Variants in DCC observed in about 807,000 individuals in gnomAD.
DCC encodes the protein netrin receptor DCC.
Under a neutral mutation model 172.5 loss-of-function variants are expected in DCC, and 58 were observed. That is an observed-to-expected ratio of 0.34 (90% confidence interval 0.27 to 0.42). DCC has a LOEUF of 0.42. Ranked by LOEUF, DCC falls within the 10% of genes least tolerant of loss-of-function variation. DCC has a pLI of 1.00. For missense variants in DCC, 1,740 were observed against 1,791.0 expected, an observed-to-expected ratio of 0.97 and a Z score of 0.51; for synonymous variants, 709 against 644.5, an observed-to-expected ratio of 1.10 and a Z score of -1.52.
At chr18:53,353,184 G>T (rs1465596107) in intron 15 of DCC, among the ~76,000 whole-genome samples, 1 of 151,484 alleles carries the variant, frequency 6.6e-6, no homozygotes. Context: ...GGCTGAGGCA[G>T]GAATCACTTG....
At chr18:53,152,561 A>G (rs1411435919) in intron 7 of DCC, among the ~76,000 whole-genome samples, 2 of 130,736 alleles carry the variant, frequency 1.5e-5, no homozygotes, top group Non-Finnish European at 3.2e-5. Context: ...TTATTAAAAA[A>G]TTTTTAAAGA....
intron 2 of DCC, among the ~76,000 whole-genome samples, chr18:52,886,064 A>T (rs115074890): frequency 0.017 from 2,598 of 151,312 alleles, 56 homozygotes; most frequent in African/African-American, 0.046. Flanking sequence ...CTCTCTCCTC[A>T]CCTCAAGCAG....
rs534638049 is a variant in DCC, at chr18:53,333,366, G to A, written c.2165-6347G>A. Among the ~76,000 whole-genome samples the A allele has an allele frequency of 1.1e-4, 16 of 152,316 alleles. No individual in the cohort carries two copies. In the South Asian group the frequency reaches 3.3e-3, roughly 32 times the overall value. On this transcript the variant is annotated intron_variant, in intron 14 of 28. Transcript: ENST00000442544. ...AAGAAATATAGGCTATTGAGGACTA[G>A]AACAAAACTCTAACAAAATGATCCA...
intron 12 of DCC, among the ~76,000 whole-genome samples, chr18:53,226,948 A>ATATATATATATTTT: frequency 3.8e-5 from 2 of 52,954 alleles, no homozygotes; most frequent in African/African-American, 1.9e-4. Flanking sequence ...ATATATATAT[A>ATATATATATATTTT]TTTTTTTTTT....
At chr18:53,335,482 A>T in intron 14 of DCC, among the ~76,000 whole-genome samples, 1 of 152,196 alleles carries the variant, frequency 6.6e-6, no homozygotes, top group East Asian at 1.9e-4. Context: ...TGAACATTAC[A>T]CATTAGTGGA....
intron 1 of DCC, among the ~76,000 whole-genome samples, chr18:52,667,242 G>A (rs1472385290): frequency 6.6e-6 from 1 of 152,174 alleles, no homozygotes; most frequent in African/African-American, 2.4e-5. Flanking sequence ...GTGGAATTAG[G>A]AGTTGGTTTG....
chr18:52,438,883 C>T (rs1987881332), intron 1 of DCC, among the ~76,000 whole-genome samples: 2 of 152,200 alleles, frequency 1.3e-5, no homozygotes, highest in South Asian at 2.1e-4. Flanking sequence ...CGTGACTGAA[C>T]AGCAGAGAAT....
chr18:53,085,658 T>G (rs2144149243), intron 7 of DCC, among the ~76,000 whole-genome samples: 1 of 151,926 alleles, frequency 6.6e-6, no homozygotes, highest in Non-Finnish European at 1.5e-5. Flanking sequence ...TTCTGTTTAC[T>G]TGTGCACATT....
intron 1 of DCC, among the ~76,000 whole-genome samples, chr18:52,719,154 C>T (rs1200010603): frequency 1.3e-5 from 2 of 152,192 alleles, no homozygotes; most frequent in African/African-American, 2.4e-5. Context: ...CTTCCTCCTA[C>T]AGGTACACTA....
At chr18:53,106,308 C>G (rs946218823) in intron 7 of DCC, among the ~76,000 whole-genome samples, 5 of 151,972 alleles carry the variant, frequency 3.3e-5, no homozygotes, top group Non-Finnish European at 5.9e-5. Context: ...TCCCAGCTTT[C>G]TGCCATGTGC....
intron 2 of DCC, among the ~76,000 whole-genome samples, chr18:52,825,312 T>C (rs2038490531): frequency 1.3e-5 from 2 of 152,152 alleles, no homozygotes; most frequent in South Asian, 4.1e-4. Flanking sequence ...AAGGTACTTA[T>C]AAAGATTACA....
At chr18:52,534,821 A>G (rs1479347245) in intron 1 of DCC, among the ~76,000 whole-genome samples, 1 of 152,210 alleles carries the variant, frequency 6.6e-6, no homozygotes, top group African/African-American at 2.4e-5. Context: ...ATTTCTACTT[A>G]GCTTGTCAAA....
intron 8 of DCC, among the ~76,000 whole-genome samples, chr18:53,175,732 C>T (rs1231774876): frequency 2.0e-5 from 3 of 152,008 alleles, no homozygotes; most frequent in South Asian, 2.1e-4. Flanking sequence ...GAATCAATAT[C>T]GTGAAAATGG....
At chr18:53,252,777 G>A (rs1264115815) in intron 12 of DCC, among the ~76,000 whole-genome samples, 4 of 151,908 alleles carry the variant, frequency 2.6e-5, no homozygotes, top group Admixed American at 6.6e-5. Context: ...AAACAGAACA[G>A]ACTAAAGCCC....
At chr18:53,240,155 T>TATA in intron 12 of DCC, among the ~76,000 whole-genome samples, 1 of 152,118 alleles carries the variant, frequency 6.6e-6, no homozygotes, top group East Asian at 1.9e-4. Flanking sequence ...CTATGAAAGT[T>TATA]ATAATTACTT....
At chr18:52,621,188 G>A (rs1010443214) in intron 1 of DCC, among the ~76,000 whole-genome samples, 5 of 152,170 alleles carry the variant, frequency 3.3e-5, no homozygotes, top group African/African-American at 1.2e-4. Context: ...ATGTTTAGAC[G>A]CTGCTGGGGT....
At chr18:53,180,238 A>G (rs1257221893) in intron 9 of DCC, among the ~76,000 whole-genome samples, 1 of 152,202 alleles carries the variant, frequency 6.6e-6, no homozygotes, top group African/African-American at 2.4e-5. Context: ...AGGGCTACAG[A>G]GACAAGATGA....
intron 2 of DCC, among the ~76,000 whole-genome samples, chr18:52,875,224 C>T (rs559082183): frequency 3.5e-5 from 4 of 114,096 alleles, no homozygotes; most frequent in South Asian, 2.6e-4. Context: ...CACACAACAG[C>T]GAAACTTTTT....
intron 1 of DCC, among the ~76,000 whole-genome samples, chr18:52,587,486 T>C (rs1811738745): frequency 1.3e-5 from 2 of 152,224 alleles, no homozygotes; most frequent in African/African-American, 4.8e-5. Context: ...TTTTGACCAC[T>C]CAGAGAAGTC....
Sources: gnomAD v4.1 joint callset for allele counts (sites outside exome capture counted in the v4.1 genomes callset) on GRCh38, gnomAD v4.1.1 for gene constraint, MANE v1.5 for transcripts, NCBI Gene and HGNC (gene_info 2026-07-23, HGNC 2026-07-21) for gene names.